The following MPRIP variants were observed in gnomAD, a reference collection of about 807,000 sequenced individuals.
MPRIP encodes myosin phosphatase Rho-interacting protein.
In MPRIP, 59 loss-of-function variants were observed where a neutral mutation model predicts 234.9. The ratio of observed to expected loss-of-function variants is 0.25; its 90% CI spans 0.20 to 0.31. MPRIP has a LOEUF of 0.31. MPRIP is among the 10% of genes least tolerant of loss of function. The pLI, the probability that MPRIP is intolerant of heterozygous loss-of-function variation, is 1.00. For missense variants in MPRIP, 2,436 were observed against 3,071.0 expected (o/e 0.79, Z 4.89); for synonymous variants, 1,144 against 1,263.9 (o/e 0.91, Z 2.01).
chr17:17,166,011 C>G lies in MPRIP; in HGVS notation c.4420C>G (p.Gln1474Glu), dbSNP rs576328267. Reference protein sequence around the residue: ...ELGDFQVKNSQALMCLENCRE... With the variant: ...ELGDFQVKNSEALMCLENCRE... ...TGGGGACTTCCAGGTCAAGAATAGT[C>G]AGGCCCTGATGTGCCTGGAAAATTG... Residue 1474 changes from glutamine to glutamate, a missense_variant, in exon 16 of 24, where the codon CAG (glutamine) becomes GAG (glutamate). By Grantham distance (29) the Gln-to-Glu change is conservative. Transcript: ENST00000651222. The surrounding 1 kb of genome is among the most constrained non-coding windows in gnomAD (Gnocchi z 4.4). The G allele has an allele frequency of 6.1e-5, 79 of 1,304,244 alleles. No homozygotes were observed. The South Asian group carries it at 9.4e-4, about 15-fold the overall frequency. 80.8% of individuals were successfully genotyped at this position (1,304,244 alleles called of 1,614,324 possible).
At chr17:17,066,965 C>CCA (rs747191701) in intron 1 of MPRIP, among the ~76,000 whole-genome samples, 15 of 151,570 alleles carry the variant, frequency 9.9e-5, no homozygotes, top group Non-Finnish European at 2.2e-4. Context: ...CTTGTAGTTC[C>CCA]CAGGCTGGTC....
intron 1 of MPRIP, among the ~76,000 whole-genome samples, chr17:17,072,068 A>G (rs909169080): frequency 2.0e-5 from 3 of 152,156 alleles, no homozygotes; most frequent in African/African-American, 7.2e-5. Context: ...GGAAGAGAAT[A>G]CTTTAGGGCC....
At chr17:17,179,244 C>T (rs1236086583) in intron 22 of MPRIP, among the ~76,000 whole-genome samples, 1 of 151,776 alleles carries the variant, frequency 6.6e-6, no homozygotes, top group Admixed American at 6.6e-5. Flanking sequence ...GTCAGGAGTT[C>T]GAGACCAGTC....
chr17:17,109,959 G>C (rs1044647043), intron 3 of MPRIP, among the ~76,000 whole-genome samples: 5 of 152,292 alleles, frequency 3.3e-5, no homozygotes, highest in African/African-American at 1.2e-4. Flanking sequence ...GTGTAGTGTG[G>C]ATGTTTGTCC....
At chr17:17,152,712 T>G (rs1219873524) in intron 12 of MPRIP, among the ~76,000 whole-genome samples, 2 of 151,838 alleles carry the variant, frequency 1.3e-5, no homozygotes, top group African/African-American at 4.8e-5. Context: ...CACTGAAGGG[T>G]GTTAGAAGAT....
At chr17:17,161,470 A>G in intron 15 of MPRIP, 114 bp downstream of exon 15, 1 of 609,248 alleles carries the variant, frequency 1.6e-6, no homozygotes, top group South Asian at 2.8e-5. Context: ...GGTGTCTCCC[A>G]GGAGCTCATG....
intron 1 of MPRIP, among the ~76,000 whole-genome samples, chr17:17,066,624 C>T (rs773353039): frequency 1.2e-4 from 18 of 150,948 alleles, no homozygotes; most frequent in Non-Finnish European, 1.9e-4. Context: ...CCTCAAACCA[C>T]GGATAGTACT....
intron 12 of MPRIP, among the ~76,000 whole-genome samples, 169 bp from the exon 13 acceptor site, chr17:17,154,137 G>C (rs1487321899): frequency 1.3e-5 from 2 of 152,184 alleles, no homozygotes; most frequent in African/African-American, 4.8e-5. Flanking sequence ...CTGCTCTCCA[G>C]CTCCCTCATG....
At chr17:17,149,973 C>T (rs2144550526) in intron 11 of MPRIP, 171 bp from the exon 12 acceptor site, 1 of 572,968 alleles carries the variant, frequency 1.7e-6, no homozygotes, top group Non-Finnish European at 3.1e-6. Context: ...TGTGATTGCA[C>T]CCAGTGAGGG....
At chr17:17,169,382 C>T (rs1036939710) in intron 16 of MPRIP, among the ~76,000 whole-genome samples, 1 of 152,206 alleles carries the variant, frequency 6.6e-6, no homozygotes, top group Non-Finnish European at 1.5e-5. Context: ...CCATAAGAGG[C>T]CCCTCCACAC....
chr17:17,126,607 C>G, intron 3 of MPRIP, 95 bp from the exon 4 acceptor site: 1 of 1,409,032 alleles, frequency 7.1e-7, no homozygotes, highest in Non-Finnish European at 9.6e-7. Context: ...CCTAGAGGCC[C>G]CACAGGCTGG....
chr17:17,102,311 C>G (rs970911456), intron 3 of MPRIP, among the ~76,000 whole-genome samples: 16 of 152,218 alleles, frequency 1.1e-4, no homozygotes, highest in African/African-American at 3.6e-4. Flanking sequence ...TCTCCTTTGG[C>G]CTACATGAGC....
intron 11 of MPRIP, among the ~76,000 whole-genome samples, chr17:17,149,158 G>A (rs1367456824): frequency 6.6e-6 from 1 of 152,152 alleles, no homozygotes; most frequent in Admixed American, 6.6e-5. Context: ...CCTACTGCTT[G>A]TCAAAGAACA....
chr17:17,157,844 AAAAC>A (rs2045763872), intron 13 of MPRIP, among the ~76,000 whole-genome samples: 1 of 151,696 alleles, frequency 6.6e-6, no homozygotes, highest in African/African-American at 2.4e-5. Flanking sequence ...AAAAAAAAAC[AAAAC>A]ATAGATCTGA....
intron 3 of MPRIP, among the ~76,000 whole-genome samples, chr17:17,118,667 G>A (rs1439269145): frequency 1.3e-5 from 2 of 152,202 alleles, no homozygotes; most frequent in African/African-American, 4.8e-5. Flanking sequence ...TACCTGCTAG[G>A]CCCATTGTCA....
chr17:17,138,313 C>A lies in MPRIP; in HGVS notation c.1134C>A (p.Ala378=). 1 of 390,164 alleles carries A rather than the reference C, an allele frequency of 2.6e-6. No individual in the cohort carries two copies. Among genetic ancestry groups the A allele is most frequent in the Non-Finnish European group, 4.6e-6 (1 of 219,734 alleles). The allele number at this position is 390,164 out of a possible 1,614,324, so 24.2% of individuals were successfully genotyped here. The change falls in exon 7 of 24, where the codon GCC becomes GCA. Residue 378 remains alanine, a synonymous_variant. Coordinates refer to ENST00000651222, the MANE Select transcript of MPRIP (RefSeq NM_001364716.4). This position sits in a 1 kb window ranked among gnomAD's most constrained non-coding sequence, Gnocchi z 5.8. ...CCACCCTGGCCGACGTCCCTAAGGC[C>A]ATCAGGATCAGCCACCGAGAAGCCT... is the stretch of plus-strand genomic sequence containing the variant. ...QYATLADVPK[A]IRISHREAFQ...
intron 11 of MPRIP, 98 bp downstream of exon 11, chr17:17,147,485 C>CAGAAGTGGGGACATT: frequency 8.5e-7 from 1 of 1,172,246 alleles, no homozygotes; most frequent in Non-Finnish European, 1.3e-6. Context: ...CTAATGTCCC[C>CAGAAGTGGGGACATT]ACTTCTGAGG....
intron 3 of MPRIP, among the ~76,000 whole-genome samples, chr17:17,121,796 ATCT>A (rs2090394319): frequency 1.3e-5 from 2 of 152,036 alleles, no homozygotes; most frequent in Non-Finnish European, 2.9e-5. Context: ...ACTTTTCCTG[ATCT>A]TCTCCCTCTT....
At chr17:17,124,081 C>T (rs1180421192) in intron 3 of MPRIP, among the ~76,000 whole-genome samples, 2 of 152,202 alleles carry the variant, frequency 1.3e-5, no homozygotes, top group Non-Finnish European at 2.9e-5. Context: ...AGATAGAACC[C>T]TCACTTTGCA....
Sources: gnomAD v4.1 joint callset for allele counts (sites outside exome capture counted in the v4.1 genomes callset) on GRCh38, gnomAD v4.1.1 for gene constraint, Gnocchi (gnomAD v3.1) non-coding constraint, MANE v1.5 for transcripts, NCBI Gene and HGNC (gene_info 2026-07-23, HGNC 2026-07-21) for gene names.